RNF4: variants seen among roughly 807,000 people sequenced by gnomAD.
The protein encoded by RNF4 is E3 ubiquitin-protein ligase RNF4.
A neutral mutation model predicts 24.3 loss-of-function variants in RNF4; 7 were observed. The observed-to-expected ratio is 0.29, with a 90% CI of 0.16 to 0.54. RNF4 has a LOEUF of 0.54. Among genes scored for constraint, RNF4 ranks in the 20% least tolerant of loss-of-function variants. The pLI, the probability that RNF4 is intolerant of heterozygous loss-of-function variation, is 0.95. For missense variants in RNF4, 209 were observed against 248.5 expected, an observed-to-expected ratio of 0.84 and a Z score of 1.07; for synonymous variants, 83 against 84.3, an observed-to-expected ratio of 0.98 and a Z score of 0.09.
chr4:2,487,030 C>T (rs953294399), intron 1 of RNF4, among the ~76,000 whole-genome samples: 3 of 152,210 alleles, frequency 2.0e-5, no homozygotes, highest in Admixed American at 6.5e-5. Flanking sequence ...CGAGGCACCT[C>T]CCACCTCTGT....
At chr4:2,470,427 G>C (rs1398324709) in intron 1 of RNF4, among the ~76,000 whole-genome samples, 1 of 152,206 alleles carries the variant, frequency 6.6e-6, no homozygotes, top group Non-Finnish European at 1.5e-5. Context: ...AGTTTGAGGT[G>C]AAATAGAGGC....
At chr4:2,508,580 TTTTG>T (rs1157827366) in intron 4 of RNF4, among the ~76,000 whole-genome samples, 1 of 151,798 alleles carries the variant, frequency 6.6e-6, no homozygotes, top group Non-Finnish European at 1.5e-5. Flanking sequence ...TTTGTTTGGT[TTTTG>T]TTTTGTTTTG....
chr4:2,470,627 G>T (rs1434305978), intron 1 of RNF4, among the ~76,000 whole-genome samples: 1 of 152,076 alleles, frequency 6.6e-6, no homozygotes, highest in Non-Finnish European at 1.5e-5. Flanking sequence ...TTTATATAAT[G>T]TATGCACATC....
chr4:2,510,261 C>T (rs942153965), intron 4 of RNF4, among the ~76,000 whole-genome samples: 1 of 152,192 alleles, frequency 6.6e-6, no homozygotes, highest in Non-Finnish European at 1.5e-5. Flanking sequence ...TGGATTTTAA[C>T]ATGGAAGGAG....
chr4:2,488,188 C>T (rs1458970257), intron 1 of RNF4, among the ~76,000 whole-genome samples: 1 of 152,092 alleles, frequency 6.6e-6, no homozygotes, highest in Non-Finnish European at 1.5e-5. Context: ...GGAGGACAGA[C>T]GTGGTGGCTC....
At chr4:2,481,954 G>A (rs1271636879) in intron 1 of RNF4, among the ~76,000 whole-genome samples, 2 of 152,134 alleles carry the variant, frequency 1.3e-5, no homozygotes, top group Non-Finnish European at 1.5e-5. Context: ...TACTTTCTAG[G>A]TAAAGTGTTG....
At chr4:2,482,487 A>G (rs1163892847) in intron 1 of RNF4, among the ~76,000 whole-genome samples, 1 of 152,154 alleles carries the variant, frequency 6.6e-6, no homozygotes, top group African/African-American at 2.4e-5. Context: ...GGAGGAGTGG[A>G]TCCTTAGGTT....
Position 2,498,209 on chromosome 4 carries a change from A to C in RNF4, c.124+1088A>C, listed in dbSNP as rs140424790. 2.1e-4 allele frequency among the ~76,000 whole-genome samples: 32 copies of C among 152,124 alleles called. No homozygotes were observed. The East Asian group carries it at 6.0e-3, about 29-fold the overall frequency. On this transcript the variant is annotated intron_variant, in intron 3 of 7. Transcript: ENST00000314289. ...TTGTTTTTGTTTCTGTTTGAGGCAG[A>C]GTTTCGTTCTGTCAGCCAGGTTGGA...
At chr4:2,487,473 A>G (rs888867562) in intron 1 of RNF4, among the ~76,000 whole-genome samples, 25 of 152,072 alleles carry the variant, frequency 1.6e-4, no homozygotes, top group African/African-American at 6.0e-4. Context: ...TTTAGTAGAG[A>G]CGGGGTTTCG....
At chr4:2,503,195 C>G (rs1402643948) in intron 4 of RNF4, among the ~76,000 whole-genome samples, 1 of 152,164 alleles carries the variant, frequency 6.6e-6, no homozygotes, top group African/African-American at 2.4e-5. Context: ...GTTTTGATGA[C>G]TAAGCTGCTC....
intron 1 of RNF4, among the ~76,000 whole-genome samples, chr4:2,474,637 T>C (rs1735011836): frequency 6.6e-6 from 1 of 152,216 alleles, no homozygotes; most frequent in Non-Finnish European, 1.5e-5. Flanking sequence ...GAAGTTCCAC[T>C]GTGGGTAAAA....
chr4:2,469,689 C>CT (rs1384957938), intron 1 of RNF4: 2 of 152,352 alleles, frequency 1.3e-5, no homozygotes, highest in African/African-American at 4.8e-5. Context: ...ATCGTGGGGC[C>CT]TGCGAGTTTG....
At chr4:2,513,610 C>T in intron 7 of RNF4, 60 bp from the exon 8 acceptor site, 1 of 1,599,818 alleles carries the variant, frequency 6.3e-7, no homozygotes, top group Non-Finnish European at 8.5e-7. Flanking sequence ...GATTCTCTGG[C>T]CCCATGGCTG....
At chr4:2,506,861 A>G (rs1736117120) in intron 4 of RNF4, among the ~76,000 whole-genome samples, 1 of 152,128 alleles carries the variant, frequency 6.6e-6, no homozygotes, top group South Asian at 2.1e-4. Flanking sequence ...TGAGCCACTG[A>G]GCCTGACCTT....
At chr4:2,477,515 G>T (rs1190089581) in intron 1 of RNF4, among the ~76,000 whole-genome samples, 1 of 152,110 alleles carries the variant, frequency 6.6e-6, no homozygotes, top group African/African-American at 2.4e-5. Flanking sequence ...AACCCAGGAG[G>T]TGGAGATTAC....
chr4:2,471,797 C>T (rs1216782966), intron 1 of RNF4, among the ~76,000 whole-genome samples: 23 of 152,206 alleles, frequency 1.5e-4, no homozygotes, highest in Non-Finnish European at 1.5e-5. Flanking sequence ...GGTACTAACT[C>T]TCTTCAATTC....
chr4:2,479,520 A>T (rs1313814317), intron 1 of RNF4, among the ~76,000 whole-genome samples: 1 of 152,154 alleles, frequency 6.6e-6, no homozygotes, highest in East Asian at 1.9e-4. Context: ...AATAAGTCTC[A>T]TGAGATCTGA....
At chr4:2,469,800 C>G (rs1734839138) in intron 1 of RNF4, 1 of 152,548 alleles carries the variant, frequency 6.6e-6, no homozygotes, top group Admixed American at 6.5e-5. Context: ...CAGTCTAAAA[C>G]TTAGTAGGGC....
chr4:2,489,724 G>A (rs1735523905), intron 1 of RNF4: 1 of 152,274 alleles, frequency 6.6e-6, no homozygotes, highest in African/African-American at 2.4e-5. Flanking sequence ...CGCTGACGCT[G>A]AGTTTACCGT....
Sources: gnomAD v4.1 joint callset for allele counts (sites outside exome capture counted in the v4.1 genomes callset) on GRCh38, gnomAD v4.1.1 for gene constraint, MANE v1.5 for transcripts, NCBI Gene and HGNC (gene_info 2026-07-23, HGNC 2026-07-21) for gene names.